The following HERC3 variants were observed in gnomAD, a reference collection of about 807,000 sequenced individuals.
The protein encoded by HERC3 is probable E3 ubiquitin-protein ligase HERC3.
In HERC3, 58 loss-of-function variants were observed where a neutral mutation model predicts 129.9. That is an observed-to-expected ratio of 0.45 (90% CI 0.36 to 0.56). The LOEUF (loss-of-function observed/expected upper bound fraction) is 0.56. Among genes scored for constraint, HERC3 ranks in the 20% least tolerant of loss-of-function variants. HERC3 has a pLI of 0.00. For missense variants in HERC3, 835 were observed against 1,244.2 expected (o/e 0.67, Z 4.95); for synonymous variants, 430 against 451.0 (o/e 0.95, Z 0.59).
At chr4:88,655,076 C>A in intron 7 of HERC3, 98 bp from the exon 8 acceptor site, 1 of 1,216,620 alleles carries the variant, frequency 8.2e-7, no homozygotes, top group Non-Finnish European at 1.1e-6. Context: ...GAATGTAGTG[C>A]TCTTGTGCAC....
chr4:88,554,371 C>A, the HERC3 span, among the ~76,000 whole-genome samples: 1 of 150,230 alleles, frequency 6.7e-6, no homozygotes, highest in Non-Finnish European at 1.5e-5. Flanking sequence ...AAAAGGTATC[C>A]TGGCAATACC....
chr4:88,609,838 A>G (rs57626442), intron 3 of HERC3, among the ~76,000 whole-genome samples: 7,116 of 152,302 alleles, frequency 0.047, 212 homozygotes, highest in Middle Eastern at 0.12. Context: ...GAATGAAAGA[A>G]TGGCTACTCC....
intron 19 of HERC3, 56 bp from the exon 20 acceptor site, chr4:88,680,037 A>G: frequency 1.3e-6 from 2 of 1,495,286 alleles, no homozygotes; most frequent in Non-Finnish European, 1.8e-6. Context: ...TGCTAAAAAG[A>G]GATAAAATGT....
intron 3 of HERC3, among the ~76,000 whole-genome samples, chr4:88,612,861 A>G (rs1724505409): frequency 2.0e-5 from 3 of 152,064 alleles, no homozygotes; most frequent in Admixed American, 6.5e-5. Flanking sequence ...GTTATTTTTT[A>G]TAAGTGACTA....
chr4:88,646,293 A>G (rs1728683583), intron 3 of HERC3, among the ~76,000 whole-genome samples: 1 of 152,148 alleles, frequency 6.6e-6, no homozygotes, highest in Admixed American at 6.6e-5. Flanking sequence ...ATTAACTCAA[A>G]AAACATTAAA....
the HERC3 span, among the ~76,000 whole-genome samples, chr4:88,529,376 G>C: frequency 6.6e-6 from 1 of 152,172 alleles, no homozygotes; most frequent in South Asian, 2.1e-4. Flanking sequence ...AGGATCACTT[G>C]GGCCTAGGAG....
chr4:88,560,359 A>C, the HERC3 span, among the ~76,000 whole-genome samples: 1 of 152,200 alleles, frequency 6.6e-6, no homozygotes, highest in African/African-American at 2.4e-5. Context: ...AGCACCTTTC[A>C]ATATACCTGC....
chr4:88,608,253 T>G (rs568278711), intron 3 of HERC3, among the ~76,000 whole-genome samples: 1 of 152,298 alleles, frequency 6.6e-6, no homozygotes, highest in Non-Finnish European at 1.5e-5. Context: ...ATGTGAAGTG[T>G]GGTTGATGAG....
At chr4:88,590,902 T>C (rs1721666669), upstream of HERC3, among the ~76,000 whole-genome samples, 1 of 150,874 alleles carries the variant, frequency 6.6e-6, no homozygotes, top group Admixed American at 6.6e-5. Context: ...TTTTTTTTTT[T>C]TGAGACAACG....
the HERC3 span, among the ~76,000 whole-genome samples, chr4:88,539,008 A>G: frequency 6.6e-6 from 1 of 152,206 alleles, no homozygotes; most frequent in Non-Finnish European, 1.5e-5. Context: ...TGATTGATGC[A>G]GAAGACAGGT....
chr4:88,674,582 C>A (rs1369497108), intron 16 of HERC3, among the ~76,000 whole-genome samples: 2 of 152,138 alleles, frequency 1.3e-5, no homozygotes, highest in Non-Finnish European at 2.9e-5. Context: ...AATATTGGCA[C>A]CAGTTTTAAG....
chr4:88,694,381 A>G (rs1734381097), intron 23 of HERC3, among the ~76,000 whole-genome samples: 1 of 152,106 alleles, frequency 6.6e-6, no homozygotes, highest in African/African-American at 2.4e-5. Flanking sequence ...TGCCATCCAT[A>G]TTTATTGTAG....
chr4:88,610,588 C>T (rs1724201050), intron 3 of HERC3, among the ~76,000 whole-genome samples: 1 of 152,128 alleles, frequency 6.6e-6, no homozygotes, highest in Non-Finnish European at 1.5e-5. Context: ...CAGTGATGGC[C>T]ACCCTCTTCC....
intron 23 of HERC3, among the ~76,000 whole-genome samples, chr4:88,694,294 G>A (rs1357583799): frequency 6.6e-6 from 1 of 152,146 alleles, no homozygotes; most frequent in African/African-American, 2.4e-5. Flanking sequence ...TGTCCTTTAT[G>A]TATTTCTCTA....
chr4:88,704,263 C>G lies in HERC3; in HGVS notation c.2823C>G (p.Asn941Lys). Residue 941 changes from asparagine (N) to lysine (K), a missense_variant, in exon 24 of 26, where the codon AAC becomes AAG. Asn to Lys is a moderately conservative substitution (Grantham distance 94). Coordinates refer to ENST00000402738, the MANE Select transcript of HERC3 (RefSeq NM_014606.3). ...TGATGGTGGGGAACAGCAACTACAA[C>G]TGGGAAGAACTGGAAGAGGTAAGCA... ...RAMMVGNSNY[N>K]WEELEETAIY... The G allele has an allele frequency of 6.2e-7, 1 of 1,614,096 alleles. No homozygotes were observed. The highest frequency in any genetic ancestry group is 8.5e-7 in the Non-Finnish European group (1 of 1,180,008).
At position 88,704,626 on chromosome 4, in the gene HERC3, C is replaced by T; in HGVS notation, c.2944+16C>T. 7.0e-7 allele frequency: 1 copy of T among 1,424,938 alleles called. No homozygotes were observed. Among genetic ancestry groups the T allele is most frequent in the Non-Finnish European group, 9.9e-7 (1 of 1,007,854 alleles). The allele number at this position is 1,424,938 out of a possible 1,614,324, so 88.3% of individuals were successfully genotyped here. ...AAGTTTCTCTGTAAGTATCAGTAAT[C>T]TCAATATGGTATTTGTCTACATTTT... On this transcript the variant is annotated intron_variant, in intron 25 of 25. Transcript: ENST00000402738.
intron 11 of HERC3, 26 bp downstream of exon 11, chr4:88,662,581 T>C (rs756411204): frequency 6.3e-7 from 1 of 1,590,842 alleles, no homozygotes; most frequent in South Asian, 1.2e-5. Context: ...TCTTCATTTT[T>C]TTTTCCACAA....
At chr4:88,569,163 A>G in the HERC3 span, among the ~76,000 whole-genome samples, 1 of 152,284 alleles carries the variant, frequency 6.6e-6, no homozygotes, top group East Asian at 1.9e-4. Flanking sequence ...GACAATTCCC[A>G]TCTGGCTAGA....
rs943555611 is a variant in HERC3 at position 88,681,873 on chromosome 4, A to G, written c.2507+548A>G. Among the ~76,000 whole-genome samples, 4 of 152,322 alleles carry G rather than the reference A, an allele frequency of 2.6e-5. No homozygotes were observed. The East Asian group carries it at 5.8e-4, about 22-fold the overall frequency. On this transcript the variant is annotated intron_variant, in intron 21 of 25. Coordinates refer to ENST00000402738, the MANE Select transcript of HERC3 (RefSeq NM_014606.3). ...AATATACAATAGATTATTGTAAACTATGGTCATCCTACTGATCTATCAAAT... is the reference window on the plus strand; with the variant it reads ...AATATACAATAGATTATTGTAAACTGTGGTCATCCTACTGATCTATCAAAT...
Sources: allele counts gnomAD v4.1 joint callset (sites outside exome capture counted in the v4.1 genomes callset), GRCh38; gene constraint gnomAD v4.1.1; transcripts MANE v1.5; gene names NCBI Gene and HGNC (gene_info 2026-07-23, HGNC 2026-07-21).